The following UGT1A10 variants were observed in gnomAD, a reference collection of about 807,000 sequenced individuals.
UGT1A10 encodes the protein UDP-glucuronosyltransferase 1A10.
UGT1A10 carries 49 observed loss-of-function variants against 45.8 expected under a neutral mutation model. That is an observed-to-expected ratio of 1.07 (90% confidence interval 0.85 to 1.36). UGT1A10 has a LOEUF of 1.36. Among genes scored for constraint, UGT1A10 ranks in the 40% most tolerant of loss-of-function variants. The pLI, the probability that UGT1A10 is intolerant of heterozygous loss-of-function variation, is 0.00. For synonymous variants in UGT1A10, 284 were observed against 249.7 expected (o/e 1.14, Z -1.29); for missense variants, 745 against 668.6 (o/e 1.11, Z -1.26).
At chr2:233,670,456 A>G (rs1370457022) in intron 1 of UGT1A10, among the ~76,000 whole-genome samples, 1 of 152,236 alleles carries the variant, frequency 6.6e-6, no homozygotes, top group African/African-American at 2.4e-5. Context: ...TTCAGTGCCC[A>G]TTCATGGAAG....
chr2:233,709,011 A>G (rs1288897018), intron 1 of UGT1A10, among the ~76,000 whole-genome samples: 1 of 152,062 alleles, frequency 6.6e-6, no homozygotes, highest in East Asian at 1.9e-4. Context: ...GTGTCATAAT[A>G]CCCAAGCAGC....
intron 1 of UGT1A10, among the ~76,000 whole-genome samples, chr2:233,711,697 C>T (rs569258962): frequency 1.4e-3 from 217 of 152,312 alleles, no homozygotes; most frequent in Non-Finnish European, 2.6e-3. Context: ...GGGGTAACTT[C>T]CTCCCTAAGG....
At chr2:233,682,442 G>A (rs1559339683) in intron 1 of UGT1A10, 8 of 1,613,664 alleles carry the variant, frequency 5.0e-6, no homozygotes, top group Middle Eastern at 3.3e-4. Flanking sequence ...TGTGGTCTTC[G>A]CCAGGGGAAT....
At chr2:233,642,003 G>C (rs187927177) in intron 1 of UGT1A10, among the ~76,000 whole-genome samples, 1 of 152,216 alleles carries the variant, frequency 6.6e-6, no homozygotes, top group African/African-American at 2.4e-5. Flanking sequence ...GGTTAAATGT[G>C]CTTGGTGTTC....
chr2:233,709,753 T>C (rs1405121833), intron 1 of UGT1A10, among the ~76,000 whole-genome samples: 1 of 152,244 alleles, frequency 6.6e-6, no homozygotes, highest in African/African-American at 2.4e-5. Flanking sequence ...ATAAACATTA[T>C]TGGAGTATTA....
At chr2:233,724,735 G>C (rs978889272) in intron 1 of UGT1A10, among the ~76,000 whole-genome samples, 4 of 144,116 alleles carry the variant, frequency 2.8e-5, no homozygotes, top group Non-Finnish European at 4.5e-5. Flanking sequence ...AGGCAGAGGG[G>C]CTCCTCACAT....
intron 1 of UGT1A10, among the ~76,000 whole-genome samples, chr2:233,710,084 T>C (rs2076109841): frequency 6.6e-6 from 1 of 152,220 alleles, no homozygotes. Context: ...CCTTTCACAT[T>C]GTTGCATGTA....
At chr2:233,659,487 A>T (rs951860367) in intron 1 of UGT1A10, among the ~76,000 whole-genome samples, 2 of 152,192 alleles carry the variant, frequency 1.3e-5, no homozygotes, top group Non-Finnish European at 2.9e-5. Flanking sequence ...TTGAGAAAAA[A>T]TGTATTAAGT....
intron 1 of UGT1A10, among the ~76,000 whole-genome samples, chr2:233,652,268 CT>C (rs1194727070): frequency 6.6e-6 from 1 of 152,034 alleles, no homozygotes; most frequent in Non-Finnish European, 1.5e-5. Flanking sequence ...TTTATTTCAA[CT>C]TTTTTTTGTC....
intron 1 of UGT1A10, among the ~76,000 whole-genome samples, chr2:233,689,138 C>T (rs2074928590): frequency 6.6e-6 from 1 of 152,202 alleles, no homozygotes; most frequent in South Asian, 2.1e-4. Flanking sequence ...TTACAAGCCC[C>T]TGAAGGAAGT....
chr2:233,712,023 T>C lies in UGT1A10; in HGVS notation c.856-55011T>C, dbSNP rs2076210876. 2.6e-5 allele frequency among the ~76,000 whole-genome samples: 4 copies of C among 152,212 alleles called. No homozygotes were observed. The South Asian group carries it at 8.3e-4, about 32-fold the overall frequency. ...TGGAGGAACCATTCTTATCAGAACT[T>C]GGTGCTGGATTGACTTGGAAAAAAG... On this transcript the variant is annotated intron_variant, in intron 1 of 4. Coordinates refer to ENST00000344644, the MANE Select transcript of UGT1A10 (RefSeq NM_019075.4).
chr2:233,670,226 G>T (rs567614521), intron 1 of UGT1A10, among the ~76,000 whole-genome samples: 93 of 152,302 alleles, frequency 6.1e-4, no homozygotes, highest in Admixed American at 6.5e-4. Flanking sequence ...CCTCTTGATT[G>T]TCCTCCATTG....
chr2:233,644,209 G>T (rs1235617712), intron 1 of UGT1A10, among the ~76,000 whole-genome samples: 1 of 152,114 alleles, frequency 6.6e-6, no homozygotes, highest in African/African-American at 2.4e-5. Flanking sequence ...CGGTGGTGAG[G>T]TCTGTGGGCA....
At position 233,772,892 on chromosome 2, in the gene UGT1A10, T is replaced by A; in HGVS notation, c.*333T>A. On this transcript the variant is annotated 3_prime_UTR_variant, in exon 5 of 5. Coordinates refer to ENST00000344644, the MANE Select transcript of UGT1A10 (RefSeq NM_019075.4). The stretch of plus-strand genomic sequence containing the variant: ...TTGGGAGTGCGGGATTCAAAGGTGG[T>A]CCCACGGCTGCCCCTACTGCAAATG... 1 of 501,562 alleles carries A rather than the reference T, an allele frequency of 2.0e-6. No homozygotes were observed. Among genetic ancestry groups the A allele is most frequent in the Non-Finnish European group, 3.2e-6 (1 of 310,918 alleles). 31.1% of individuals were successfully genotyped at this position (501,562 alleles called of 1,614,324 possible).
chr2:233,730,227 G>A (rs1389808961), intron 1 of UGT1A10, among the ~76,000 whole-genome samples: 1 of 152,112 alleles, frequency 6.6e-6, no homozygotes, highest in Admixed American at 6.5e-5. Context: ...TTTGTAAAAG[G>A]ATGGACAAGG....
chr2:233,713,654 C>G (rs772649489), intron 1 of UGT1A10: 39 of 1,613,850 alleles, frequency 2.4e-5, no homozygotes, highest in African/African-American at 6.7e-5. Context: ...TGGCCCTGTC[C>G]TACCTTTGCC....
intron 1 of UGT1A10, among the ~76,000 whole-genome samples, chr2:233,734,844 A>G (rs1575606786): frequency 6.6e-6 from 1 of 152,286 alleles, no homozygotes; most frequent in Middle Eastern, 3.4e-3. Flanking sequence ...TTCTTAATCC[A>G]GAGTTCTAAT....
At chr2:233,660,837 G>A (rs2073948028) in intron 1 of UGT1A10, among the ~76,000 whole-genome samples, 1 of 152,120 alleles carries the variant, frequency 6.6e-6, no homozygotes, top group African/African-American at 2.4e-5. Context: ...TGGGGTCTGG[G>A]AAGTCACCTG....
chr2:233,748,973 C>T (rs1032988654), intron 1 of UGT1A10, among the ~76,000 whole-genome samples: 3 of 151,678 alleles, frequency 2.0e-5, no homozygotes, highest in African/African-American at 7.3e-5. Flanking sequence ...ATAGTGGGAT[C>T]TACTTCTTTA....
Sources: gnomAD v4.1 joint callset for allele counts (sites outside exome capture counted in the v4.1 genomes callset) on GRCh38, gnomAD v4.1.1 for gene constraint, MANE v1.5 for transcripts, NCBI Gene and HGNC (gene_info 2026-07-23, HGNC 2026-07-21) for gene names.